Variants in SCRIB observed in about 807,000 individuals in gnomAD.
SCRIB encodes the protein protein scribble homolog.
Under a neutral mutation model 170.0 loss-of-function variants are expected in SCRIB, and 72 were observed. The observed-to-expected ratio is 0.42, with a 90% CI of 0.35 to 0.52. SCRIB has a LOEUF of 0.52. Ranked by LOEUF, SCRIB falls within the 20% of genes least tolerant of loss-of-function variation. SCRIB has a pLI of 0.02. For missense variants in SCRIB, 2,475 were observed against 2,338.5 expected (o/e 1.06, Z -1.20); for synonymous variants, 1,298 against 1,044.3 (o/e 1.24, Z -4.68).
intron 10 of SCRIB, 27 bp downstream of exon 10, chr8:143,811,119 G>A: frequency 6.2e-7 from 1 of 1,601,042 alleles, no homozygotes; most frequent in Non-Finnish European, 8.5e-7. Flanking sequence ...GCCACGGTTA[G>A]GCCCGCAGGG....
At position 143,812,388 on chromosome 8, in the gene SCRIB, GCGT is replaced by G. The variant is rs1173954323; in HGVS notation, c.788-7_788-5del. On this transcript the variant is annotated splice_region_variant and splice_polypyrimidine_tract_variant and intron_variant, in intron 8 of 36. Coordinates refer to ENST00000356994, the MANE Select transcript of SCRIB (RefSeq NM_182706.5). ...ATGGATAGCTGCTTCAGCTGACCTGGCGTCGGGGAGACAGGGGGACAAGGCTGA... is the reference window on the plus strand; with the variant it reads ...ATGGATAGCTGCTTCAGCTGACCTGGCGGGGAGACAGGGGGACAAGGCTGA... The G allele has an allele frequency of 6.3e-7, 1 of 1,599,934 alleles. No individual in the cohort carries two copies. The highest frequency in any genetic ancestry group is 8.6e-7 in the Non-Finnish European group (1 of 1,167,434).
At position 143,809,483 on chromosome 8, in the gene SCRIB, G is replaced by A; in HGVS notation, c.1698+68C>T. On this transcript the variant is annotated intron_variant, in intron 14 of 36. Coordinates refer to ENST00000356994, the MANE Select transcript of SCRIB (RefSeq NM_182706.5). Reference sequence around the variant, plus strand: ...CTGCACCAAAACCGATCCCAGCTGAGGCCCCGCAGGGGAGGCAGCCCCCAC... The same window carrying A: ...CTGCACCAAAACCGATCCCAGCTGAAGCCCCGCAGGGGAGGCAGCCCCCAC... The A allele has an allele frequency of 8.5e-6, 13 of 1,532,398 alleles. No homozygotes were observed. The South Asian group carries it at 9.6e-5, about 11-fold the overall frequency. The allele number at this position is 1,532,398 out of a possible 1,614,324, so 94.9% of individuals were successfully genotyped here.
intron 1 of SCRIB, among the ~76,000 whole-genome samples, chr8:143,814,667 G>A (rs990838909): frequency 6.6e-6 from 1 of 152,166 alleles, no homozygotes; most frequent in Admixed American, 6.5e-5. Context: ...TGATCACCCA[G>A]CACCCCATCT....
chr8:143,798,366 T>C (rs1554634420), intron 24 of SCRIB, among the ~76,000 whole-genome samples: 1 of 152,262 alleles, frequency 6.6e-6, no homozygotes, highest in Non-Finnish European at 1.5e-5. Flanking sequence ...CTCAAGTGGC[T>C]GAGAACACAG....
rs538041646 is a variant in SCRIB at position 143,809,701 on chromosome 8, G to A, written c.1548C>T (p.Ala516=). The change falls in exon 14 of 37, where the codon GCC becomes GCT. Residue 516 remains alanine, a synonymous_variant. Transcript: ENST00000356994. The part of the protein sequence containing the change: ...LPAEEEKRLS[A]ESGLSEDSRP... ...GAGAGTCTTCACTCAGGCCAGACTC[G>A]GCACTCAGCCGCTTCTCCTGCGGCG... The A allele has an allele frequency of 4.2e-5, 68 of 1,609,278 alleles. No homozygotes were observed. Among genetic ancestry groups the A allele is most frequent in the South Asian group, 5.5e-5 (5 of 91,076 alleles).
intron 34 of SCRIB, 55 bp from the exon 35 acceptor site, chr8:143,791,795 A>T: frequency 1.2e-6 from 1 of 818,700 alleles, no homozygotes; most frequent in Non-Finnish European, 1.7e-6. Context: ...GGGGGGGATG[A>T]GGGCCACGGG....
At chr8:143,809,826 A>C in intron 13 of SCRIB, 108 bp from the exon 14 acceptor site, 1 of 1,297,776 alleles carries the variant, frequency 7.7e-7, no homozygotes, top group Non-Finnish European at 1.1e-6. Context: ...CGCTGCCCCG[A>C]CCAGGCACCG....
At chr8:143,794,281 G>A (rs1424006529) in intron 27 of SCRIB, 7 of 366,382 alleles carry the variant, frequency 1.9e-5, no homozygotes, top group Admixed American at 1.2e-4. Flanking sequence ...CAGAGACAGA[G>A]GTGATGGTGG....
At chr8:143,804,237 G>T (rs985461808) in intron 21 of SCRIB, 81 bp from the exon 22 acceptor site, 1 of 1,067,648 alleles carries the variant, frequency 9.4e-7, no homozygotes, top group Non-Finnish European at 1.3e-6. Context: ...AGTCCGTCCC[G>T]GTCCTTGGGG....
chr8:143,808,250 C>G (rs1339729743), intron 15 of SCRIB, among the ~76,000 whole-genome samples: 1 of 152,170 alleles, frequency 6.6e-6, no homozygotes, highest in Non-Finnish European at 1.5e-5. Context: ...TGCCCGCCAG[C>G]AGGTCGGGCA....
chr8:143,803,800 C>A lies in SCRIB; in HGVS notation c.3261G>T (p.Leu1087=). 6.2e-7 allele frequency: 1 copy of A among 1,603,980 alleles called. No homozygotes were observed. The highest frequency in any genetic ancestry group is 8.5e-7 in the Non-Finnish European group (1 of 1,179,462). Residue 1087 remains leucine, a synonymous_variant, in exon 23 of 37, where the codon CTG becomes CTT. Coordinates refer to ENST00000356994, the MANE Select transcript of SCRIB (RefSeq NM_182706.5). The part of the protein sequence containing the change: ...ALLRPCLELS[L]LVRRDPAPPG... ...GGGGTGCCGGGTCCCTCCGCACCAG[C>A]AGCGACAGCTCCAGGCAGGGCCGGA...
In SCRIB at chr8:143,815,382, G is replaced by GGGCGGCGCGGGCTCCGGC. The variant is rs1296450163; in HGVS notation, c.-28_-11dup. On this transcript the variant is annotated 5_prime_UTR_variant, in exon 1 of 37. Transcript: ENST00000356994. ...GGATGCACTTGAGCATGGTGCGGGTGGGCGGCGCGGGCTCCGGCGGCGGCG... is the reference window on the plus strand; with the variant it reads ...GGATGCACTTGAGCATGGTGCGGGTGGGCGGCGCGGGCTCCGGCGGCGGCGCGGGCTCCGGCGGCGGCG... 2.8e-5 allele frequency: 37 copies of GGGCGGCGCGGGCTCCGGC among 1,331,408 alleles called. No individual in the cohort carries two copies. The highest frequency in any genetic ancestry group is 3.6e-5 in the Non-Finnish European group (37 of 1,033,160). 82.5% of individuals were successfully genotyped at this position (1,331,408 alleles called of 1,614,324 possible). A position where few individuals can be genotyped will look rare whatever the true frequency, so the allele number is the denominator to read the frequency against.
At chr8:143,805,555 G>T in intron 18 of SCRIB, 120 bp from the exon 19 acceptor site, 1 of 1,039,356 alleles carries the variant, frequency 9.6e-7, no homozygotes, top group Non-Finnish European at 1.3e-6. Context: ...GAGGGGAAAG[G>T]CCCCAGGCGC....
In SCRIB at chr8:143,808,590, G is replaced by A. The variant is rs1554637178; in HGVS notation, c.2115+19C>T. 10 of 1,501,428 alleles carry A rather than the reference G, an allele frequency of 6.7e-6. No individual in the cohort carries two copies. The highest frequency in any genetic ancestry group is 8.0e-6 in the Non-Finnish European group (9 of 1,126,170). 93.0% of individuals were successfully genotyped at this position (1,501,428 alleles called of 1,614,324 possible). A position where few individuals can be genotyped will look rare whatever the true frequency, so the allele number is the denominator to read the frequency against. On this transcript the variant is annotated intron_variant, in intron 15 of 36. Coordinates refer to ENST00000356994, the MANE Select transcript of SCRIB (RefSeq NM_182706.5). ...GGCCAGGGGAATCTGGGTCAGGCAG[G>A]GGTGAGGCTGACACCAACCTTGACA...
chr8:143,802,365 C>G (rs1815210661), intron 24 of SCRIB, among the ~76,000 whole-genome samples: 1 of 152,262 alleles, frequency 6.6e-6, no homozygotes. Context: ...CCAGAGATCC[C>G]TTGCAGGACA....
chr8:143,801,240 G>A (rs1554634933), intron 24 of SCRIB, among the ~76,000 whole-genome samples: 1 of 152,220 alleles, frequency 6.6e-6, no homozygotes, highest in Non-Finnish European at 1.5e-5. Flanking sequence ...TTGCAAAGCA[G>A]TTCCAGGGCT....
At chr8:143,810,869 G>T in intron 11 of SCRIB, 37 bp downstream of exon 11, 1 of 1,608,230 alleles carries the variant, frequency 6.2e-7, no homozygotes. Context: ...CTGCCTGAGA[G>T]CCACCCCGCG....
chr8:143,814,678 C>T (rs1330921630), intron 1 of SCRIB, among the ~76,000 whole-genome samples: 1 of 152,196 alleles, frequency 6.6e-6, no homozygotes, highest in Admixed American at 6.5e-5. Flanking sequence ...CACCCCATCT[C>T]CAGAAAAGAA....
At chr8:143,791,627 A>T (rs1820087153) in intron 35 of SCRIB, 39 bp downstream of exon 35, 1 of 1,562,898 alleles carries the variant, frequency 6.4e-7, no homozygotes, top group Non-Finnish European at 8.8e-7. Context: ...GCAGGCACGG[A>T]CAGGGTGGCA....
Sources: gnomAD v4.1 joint callset for allele counts (sites outside exome capture counted in the v4.1 genomes callset) on GRCh38, gnomAD v4.1.1 for gene constraint, MANE v1.5 for transcripts, NCBI Gene and HGNC (gene_info 2026-07-23, HGNC 2026-07-21) for gene names.